Variants in GFUS observed in about 807,000 individuals in gnomAD.
GFUS encodes 3-5 epimerase/4-reductase.
Under a neutral mutation model 41.5 loss-of-function variants are expected in GFUS, and 42 were observed. The observed-to-expected ratio is 1.01, with a 90% CI of 0.79 to 1.31. The LOEUF (loss-of-function observed/expected upper bound fraction) is 1.31. Among genes scored for constraint, GFUS ranks in the 50% most tolerant of loss-of-function variants. GFUS has a pLI of 0.00. For synonymous variants in GFUS, 188 were observed against 173.4 expected, an observed-to-expected ratio of 1.08 and a Z score of -0.66; for missense variants, 437 against 428.7, an observed-to-expected ratio of 1.02 and a Z score of -0.17.
intron 5 of GFUS, 49 bp downstream of exon 5, chr8:143,614,575 G>A: frequency 6.4e-7 from 1 of 1,559,556 alleles, no homozygotes; most frequent in Non-Finnish European, 8.7e-7. Context: ...GCCCCTGGGG[G>A]CCCTCTCCCC....
At chr8:143,617,841 G>A (rs747182713), upstream of GFUS, 10 of 152,146 alleles carry the variant, frequency 6.6e-5, no homozygotes, top group Admixed American at 2.6e-4. Flanking sequence ...AAGGAGCCTC[G>A]CCGGCGCTGG....
chr8:143,617,786 A>G (rs982778843), upstream of GFUS: 1 of 151,954 alleles, frequency 6.6e-6, no homozygotes, highest in Non-Finnish European at 1.5e-5. Context: ...AGGACACGAG[A>G]CGAGGGCCAG....
Position 143,613,625 on chromosome 8 carries a change from G to A in GFUS, c.731-22C>T, listed in dbSNP as rs200347028. ...CCCACTGTGGGGAGCCACCGGGTCAGGCCTCCCCTTGGTGCCACCCGACGG... is the reference window on the plus strand; with the variant it reads ...CCCACTGTGGGGAGCCACCGGGTCAAGCCTCCCCTTGGTGCCACCCGACGG... On this transcript the variant is annotated intron_variant, in intron 8 of 10. Coordinates refer to ENST00000425753, the MANE Select transcript of GFUS (RefSeq NM_003313.4). 198 of 1,611,466 alleles carry A rather than the reference G, an allele frequency of 1.2e-4. No individual in the cohort carries two copies. The African/African-American group carries it at 2.4e-3, about 20-fold the overall frequency.
At chr8:143,617,189 G>A (rs528001487) in intron 1 of GFUS, 1 of 161,836 alleles carries the variant, frequency 6.2e-6, no homozygotes. Flanking sequence ...ATTCCTCCAG[G>A]GCAGGACAGG....
intron 6 of GFUS, 27 bp from the exon 7 acceptor site, chr8:143,614,255 T>TCAGA (rs1286752266): frequency 1.2e-6 from 2 of 1,613,584 alleles, no homozygotes; most frequent in Non-Finnish European, 1.7e-6. Context: ...GGAGCAGGTG[T>TCAGA]CAGAGGCACT....
intron 10 of GFUS, 107 bp downstream of exon 10, chr8:143,613,089 G>C: frequency 6.5e-7 from 1 of 1,537,406 alleles, no homozygotes; most frequent in Non-Finnish European, 8.9e-7. Context: ...CACCTCCAGG[G>C]CAGTACAGGC....
chr8:143,616,884 C>A, intron 1 of GFUS, 161 bp from the exon 2 acceptor site: 2 of 809,456 alleles, frequency 2.5e-6, no homozygotes, highest in Admixed American at 2.6e-5. Flanking sequence ...TCGTCGCAGC[C>A]CTGTTCCCCT....
chr8:143,613,803 G>A lies in GFUS; in HGVS notation c.678C>T (p.Leu226=), dbSNP rs1462035097. 2 of 1,550,736 alleles carry A rather than the reference G, an allele frequency of 1.3e-6. No individual in the cohort carries two copies. Among genetic ancestry groups the A allele is most frequent in the African/African-American group, 2.7e-5 (2 of 73,042 alleles). Reference sequence around the variant, plus strand: ...TGTACTCCCGCAGGACCCAGATAAAGAGCTGGGCCAGGTCCTAGAGGTCAG... The same window carrying A: ...TGTACTCCCGCAGGACCCAGATAAAAAGCTGGGCCAGGTCCTAGAGGTCAG... The part of the protein sequence containing the change: ...QFIYSLDLAQ[L]FIWVLREYNE... The change falls in exon 8 of 11, where the codon CTC becomes CTT. Residue 226 remains leucine, a synonymous_variant. Coordinates refer to ENST00000425753, the MANE Select transcript of GFUS (RefSeq NM_003313.4).
upstream of GFUS, chr8:143,617,859 C>G (rs1829769363): frequency 6.6e-6 from 1 of 152,172 alleles, no homozygotes. Context: ...TGGGGCCAGG[C>G]GGGCTTACGC....
chr8:143,613,671 C>T, intron 8 of GFUS, 68 bp from the exon 9 acceptor site: 1 of 1,583,068 alleles, frequency 6.3e-7, no homozygotes, highest in South Asian at 1.1e-5. Context: ...TTCCTGCTCC[C>T]ACCCCTCAGC....
chr8:143,616,373 A>T, intron 2 of GFUS, 153 bp from the exon 3 acceptor site: 1 of 1,152,084 alleles, frequency 8.7e-7, no homozygotes, highest in Non-Finnish European at 1.3e-6. Flanking sequence ...GCAGGCTTCC[A>T]GGAAGAGATG....
At position 143,616,109 on chromosome 8, in the gene GFUS, G is replaced by A. The variant is rs773713193; in HGVS notation, c.258C>T (p.Phe86=). Reference sequence around the variant, plus strand: ...TGCTGGGGCCACCCTCACTTACCCAGAAGTCCAAATTGTATTTGATATTCC... The same window carrying A: ...TGCTGGGGCCACCCTCACTTACCCAAAAGTCCAAATTGTATTTGATATTCC... ...LFRNIKYNLD[F]WRKNVHMNDN... The change falls in exon 3 of 11, where the codon TTC becomes TTT. Residue 86 remains phenylalanine, a synonymous_variant. Transcript: ENST00000425753. 9.2e-5 allele frequency: 146 copies of A among 1,582,430 alleles called. 1 individual carries two copies. The highest frequency in any genetic ancestry group is 2.0e-5 in the Non-Finnish European group (23 of 1,158,998).
Position 143,614,214 on chromosome 8 carries a change from G to A in GFUS, c.613C>T (p.Leu205=), listed in dbSNP as rs774182482. 14 of 1,613,638 alleles carry A rather than the reference G, an allele frequency of 8.7e-6. No homozygotes were observed. The highest frequency in any genetic ancestry group is 1.2e-5 in the Non-Finnish European group (14 of 1,180,020). ...VHLAKSSGSA[L]TVWGTGNPRR... ...GGATTCCCTGTACCCCACACCGTCA[G>A]GGCCGAGCCGCTGCCTGCAGATTTG... is the stretch of plus-strand genomic sequence containing the variant. Residue 205 remains leucine, a synonymous_variant, in exon 7 of 11, where the codon CTG becomes TTG. Coordinates refer to ENST00000425753, the MANE Select transcript of GFUS (RefSeq NM_003313.4).
upstream of GFUS, chr8:143,617,840 C>T (rs889374987): frequency 2.0e-5 from 3 of 152,158 alleles, no homozygotes; most frequent in Non-Finnish European, 4.4e-5. Context: ...GAAGGAGCCT[C>T]GCCGGCGCTG....
chr8:143,614,954 C>A, intron 3 of GFUS, 39 bp from the exon 4 acceptor site: 1 of 1,565,850 alleles, frequency 6.4e-7, no homozygotes, highest in East Asian at 2.3e-5. Flanking sequence ...GCTCCCCAGG[C>A]CAGATCCCAG....
At chr8:143,613,421 C>A in intron 9 of GFUS, 103 bp downstream of exon 9, 1 of 1,496,852 alleles carries the variant, frequency 6.7e-7, no homozygotes, top group Admixed American at 1.8e-5. Flanking sequence ...GGGTGAGCAT[C>A]CTCCCTCCGC....
At chr8:143,614,022 A>G (rs1829650609) in intron 7 of GFUS, 142 bp downstream of exon 7, 9 of 1,239,824 alleles carry the variant, frequency 7.3e-6, no homozygotes, top group South Asian at 7.0e-5. Context: ...AGGACCAGAG[A>G]TGGCTCCTCT....
chr8:143,616,297 G>A (rs183332045), intron 2 of GFUS, 77 bp from the exon 3 acceptor site: 2 of 1,405,810 alleles, frequency 1.4e-6, no homozygotes, highest in Non-Finnish European at 2.0e-6. Context: ...CAGGAACTGG[G>A]TGGGACTATG....
chr8:143,614,131 T>G, intron 7 of GFUS, 33 bp downstream of exon 7: 1 of 1,610,800 alleles, frequency 6.2e-7, no homozygotes, highest in Non-Finnish European at 8.5e-7. Flanking sequence ...TAGGGCAGGT[T>G]CTCTGGGGAG....
Sources: gnomAD v4.1 joint callset for allele counts on GRCh38, gnomAD v4.1.1 for gene constraint, MANE v1.5 for transcripts, NCBI Gene and HGNC (gene_info 2026-07-23, HGNC 2026-07-21) for gene names.